The following LUZP1 variants were observed in gnomAD, a reference collection of about 807,000 sequenced individuals.
LUZP1 encodes the protein filamin mechanobinding actin cross-linking protein.
Under a neutral mutation model 71.3 loss-of-function variants are expected in LUZP1, and 25 were observed. That is an observed-to-expected ratio of 0.35 (90% CI 0.26 to 0.49). LUZP1 has a LOEUF of 0.49. Ranked by LOEUF, LUZP1 falls within the 20% of genes least tolerant of loss-of-function variation. LUZP1 has a pLI of 0.99. For missense variants in LUZP1, 1,142 were observed against 1,300.8 expected, an observed-to-expected ratio of 0.88 and a Z score of 1.88; for synonymous variants, 481 against 506.4, an observed-to-expected ratio of 0.95 and a Z score of 0.67.
At chr1:23,112,822 AAG>A (rs779264814) in intron 2 of LUZP1, among the ~76,000 whole-genome samples, 1 of 152,188 alleles carries the variant, frequency 6.6e-6, no homozygotes, top group Non-Finnish European at 1.5e-5. Context: ...TAAGAAAAAA[AAG>A]AGCTAGAAAA....
At chr1:23,160,239 TGA>T (rs1261443448) in intron 2 of LUZP1, among the ~76,000 whole-genome samples, 1 of 152,224 alleles carries the variant, frequency 6.6e-6, no homozygotes, top group Admixed American at 6.5e-5. Flanking sequence ...GAGTAACTAC[TGA>T]GAGAGCTTAC....
chr1:23,126,223 C>T (rs550103269), intron 2 of LUZP1, among the ~76,000 whole-genome samples: 8 of 152,258 alleles, frequency 5.3e-5, no homozygotes, highest in African/African-American at 1.7e-4. Context: ...CTTCTACCTC[C>T]TAAAGCAACT....
chr1:23,103,860 G>A (rs1643953988), intron 3 of LUZP1, among the ~76,000 whole-genome samples: 1 of 8,362 alleles, frequency 1.2e-4, no homozygotes, highest in Admixed American at 5.6e-4. Context: ...GGGAGGGAGG[G>A]AGGGAGGGAG....
intron 1 of LUZP1, among the ~76,000 whole-genome samples, chr1:23,169,681 T>C (rs1322905617): frequency 2.6e-5 from 4 of 152,150 alleles, no homozygotes; most frequent in African/African-American, 7.2e-5. Context: ...AAGTCTACTA[T>C]CTAAAAGGCA....
intron 2 of LUZP1, among the ~76,000 whole-genome samples, chr1:23,128,925 G>A (rs1313699000): frequency 6.6e-6 from 1 of 152,180 alleles, no homozygotes; most frequent in Non-Finnish European, 1.5e-5. Flanking sequence ...TGCTTCTTAG[G>A]CGGAGCCAAT....
intron 2 of LUZP1, among the ~76,000 whole-genome samples, chr1:23,165,029 T>G (rs1321656575): frequency 6.6e-6 from 1 of 152,230 alleles, no homozygotes; most frequent in Non-Finnish European, 1.5e-5. Flanking sequence ...CTCCTGAATT[T>G]ATTTATCTTT....
intron 2 of LUZP1, among the ~76,000 whole-genome samples, chr1:23,155,878 C>T (rs757835051): frequency 3.3e-4 from 50 of 152,122 alleles, no homozygotes; most frequent in Non-Finnish European, 6.5e-4. Flanking sequence ...GATAAATACC[C>T]GCAGATAATT....
intron 2 of LUZP1, among the ~76,000 whole-genome samples, chr1:23,156,904 A>G (rs1329169223): frequency 6.6e-6 from 1 of 152,232 alleles, no homozygotes; most frequent in African/African-American, 2.4e-5. Flanking sequence ...AGACTTTCCT[A>G]TCTCCAAAAG....
intron 2 of LUZP1, among the ~76,000 whole-genome samples, chr1:23,158,675 A>C (rs1219699618): frequency 7.7e-6 from 1 of 130,432 alleles, no homozygotes; most frequent in Non-Finnish European, 1.6e-5. Context: ...AAAAAAAAAA[A>C]AAGGGTTGGG....
chr1:23,101,299 T>A (rs555463731), intron 3 of LUZP1, among the ~76,000 whole-genome samples: 65 of 152,292 alleles, frequency 4.3e-4, no homozygotes, highest in Non-Finnish European at 4.6e-4. Context: ...ACCTTGCACA[T>A]AAGTCACAAC....
intron 2 of LUZP1, among the ~76,000 whole-genome samples, chr1:23,150,266 G>A (rs1327665620): frequency 6.6e-6 from 1 of 152,212 alleles, no homozygotes; most frequent in Non-Finnish European, 1.5e-5. Context: ...AATAAAAATG[G>A]GGAGAGAACA....
intron 2 of LUZP1, among the ~76,000 whole-genome samples, chr1:23,113,282 C>G (rs1644049180): frequency 6.6e-6 from 1 of 152,042 alleles, no homozygotes; most frequent in African/African-American, 2.4e-5. Flanking sequence ...GTGATACATG[C>G]CTGTGGTCCC....
chr1:23,130,066 A>G (rs1644202119), intron 2 of LUZP1, among the ~76,000 whole-genome samples: 9 of 152,154 alleles, frequency 5.9e-5, no homozygotes, highest in Admixed American at 5.9e-4. Context: ...TTTTCCTTCT[A>G]TGGACAGACT....
Position 23,091,822 on chromosome 1 carries a change from G to A in LUZP1, c.2440C>T (p.Leu814=), listed in dbSNP as rs897796270. Residue 814 remains leucine, a synonymous_variant, in exon 4 of 5, where the codon CTG becomes TTG. Coordinates refer to ENST00000302291, the Ensembl canonical transcript of LUZP1. ...CTAGTGGATGTGTGCCTCTCCCTCA[G>A]GGCCTCACCCGGAGCAGCTCTGGGG... The A allele has an allele frequency of 5.6e-6, 9 of 1,613,960 alleles. No individual in the cohort carries two copies. In the African/African-American group the frequency reaches 1.2e-4, roughly 22 times the overall value.
intron 2 of LUZP1, among the ~76,000 whole-genome samples, chr1:23,154,709 A>ATTT (rs1191570803): frequency 0.33 from 40,802 of 125,048 alleles, 6,947 homozygotes; most frequent in Middle Eastern, 0.42. Context: ...CACCTGGCTA[A>ATTT]TTTTTTTTTT....
intron 2 of LUZP1, among the ~76,000 whole-genome samples, chr1:23,126,317 T>C (rs774550987): frequency 7.2e-5 from 11 of 152,074 alleles, no homozygotes; most frequent in Non-Finnish European, 1.5e-4. Flanking sequence ...CTATTTTAGA[T>C]CCTATTTTAA....
chr1:23,104,238 G>A (rs1293822426), intron 3 of LUZP1, among the ~76,000 whole-genome samples: 1 of 151,184 alleles, frequency 6.6e-6, no homozygotes, highest in Non-Finnish European at 1.5e-5. Context: ...GGAGTGAAGA[G>A]GCACGATCTC....
At chr1:23,108,842 C>T (rs1405960796) in intron 3 of LUZP1, among the ~76,000 whole-genome samples, 180 bp downstream of exon 2, 1 of 152,108 alleles carries the variant, frequency 6.6e-6, no homozygotes, top group African/African-American at 2.4e-5. Flanking sequence ...TAACTTCATG[C>T]AAGGATTTTT....
At chr1:23,117,439 ATTCT>A (rs1301852657) in intron 2 of LUZP1, among the ~76,000 whole-genome samples, 6 of 83,274 alleles carry the variant, frequency 7.2e-5, no homozygotes, top group Non-Finnish European at 1.3e-4. Flanking sequence ...CACTGTACAC[ATTCT>A]TTTTTTTTTT....
Sources: gnomAD v4.1 joint callset for allele counts (sites outside exome capture counted in the v4.1 genomes callset) on GRCh38, gnomAD v4.1.1 for gene constraint, MANE v1.5 for transcripts, NCBI Gene and HGNC (gene_info 2026-07-23, HGNC 2026-07-21) for gene names.